NELL1: variants seen among roughly 807,000 people sequenced by gnomAD.
The protein encoded by NELL1 is neural EGFL like 1.
In NELL1, 76 loss-of-function variants were observed where a neutral mutation model predicts 107.4. That is an observed-to-expected ratio of 0.71 (90% CI 0.59 to 0.86). The LOEUF (loss-of-function observed/expected upper bound fraction) is 0.86. Ranked by LOEUF, NELL1 falls within the 40% of genes least tolerant of loss-of-function variation. The pLI is 0.00. For synonymous variants in NELL1, 353 were observed against 341.2 expected (o/e 1.03, Z -0.38); for missense variants, 1,024 against 1,005.5 (o/e 1.02, Z -0.25).
chr11:20,847,662 G>A lies in NELL1; in HGVS notation c.415G>A (p.Ala139Thr), dbSNP rs1387190105. 4 of 1,613,860 alleles carry A rather than the reference G, an allele frequency of 2.5e-6. No homozygotes were observed. Among genetic ancestry groups the A allele is most frequent in the Non-Finnish European group, 2.5e-6 (3 of 1,179,852 alleles). The stretch of plus-strand genomic sequence containing the variant: ...ACACAATGGGAAGCCAAGGACAGAG[G>A]CACTTCCTTACCGCATGGCAGATGG... ...YIHNGKPRTE[A>T]LPYRMADGQW... is the part of the protein sequence containing the mutation. The change falls in exon 4 of 20, where the codon GCA becomes ACA. Residue 139 changes from alanine to threonine, a missense_variant. Ala to Thr is a moderately conservative substitution (Grantham distance 58). Transcript: ENST00000357134.
intron 9 of NELL1, among the ~76,000 whole-genome samples, chr11:20,936,480 G>A (rs12277453): frequency 0.1 from 15,352 of 152,130 alleles, 1,054 homozygotes; most frequent in East Asian, 0.22. Flanking sequence ...GATGACTACT[G>A]TTTGTTTTAT....
Position 21,370,189 on chromosome 11 carries a change from C to G in NELL1, c.1550-664C>G, listed in dbSNP as rs568316368. Reference sequence around the variant, plus strand: ...TAGCACTGGGAAGGAGTAAGAATAGCTTTGCAATGCTTATCAAGAAAACCT... The same window carrying G: ...TAGCACTGGGAAGGAGTAAGAATAGGTTTGCAATGCTTATCAAGAAAACCT... On this transcript the variant is annotated intron_variant, in intron 14 of 19. Coordinates refer to ENST00000357134, the MANE Select transcript of NELL1 (RefSeq NM_006157.5). Among the ~76,000 whole-genome samples, 3 of 152,134 alleles carry G rather than the reference C, an allele frequency of 2.0e-5. No homozygotes were observed. In the South Asian group the frequency reaches 6.2e-4, roughly 32 times the overall value.
At chr11:21,256,044 C>T (rs955451377) in intron 14 of NELL1, among the ~76,000 whole-genome samples, 11 of 151,978 alleles carry the variant, frequency 7.2e-5, no homozygotes, top group African/African-American at 2.7e-4. Flanking sequence ...GTAGCTGTCT[C>T]CCCTCCCAGG....
chr11:20,694,082 T>A (rs1272967406), intron 2 of NELL1, among the ~76,000 whole-genome samples: 1 of 152,202 alleles, frequency 6.6e-6, no homozygotes, highest in East Asian at 1.9e-4. Context: ...TTGCATGGGC[T>A]CCTGAGGCTC....
intron 12 of NELL1, among the ~76,000 whole-genome samples, chr11:21,078,342 TA>T (rs1244628895): frequency 1.3e-5 from 2 of 152,056 alleles, no homozygotes; most frequent in African/African-American, 4.8e-5. Context: ...TACCAGCAGG[TA>T]ATTTAAAATA....
intron 2 of NELL1, among the ~76,000 whole-genome samples, chr11:20,748,413 A>T (rs990739736): frequency 7.2e-5 from 11 of 152,154 alleles, no homozygotes; most frequent in Non-Finnish European, 1.2e-4. Context: ...AAATTTATTT[A>T]TTTCAGTAGC....
chr11:20,761,219 C>T (rs1275052672), intron 2 of NELL1, among the ~76,000 whole-genome samples: 3 of 152,148 alleles, frequency 2.0e-5, no homozygotes, highest in Admixed American at 6.5e-5. Flanking sequence ...CATAACATGA[C>T]ATTAGGTTAG....
Position 20,822,706 on chromosome 11 carries a change from G to T in NELL1, c.336-24877G>T, listed in dbSNP as rs540095858. ...GAGTCTTGAAGAGTGGGTATGATTT[G>T]CCAGGTGTCCAGGAGTAGAAAAACA... On this transcript the variant is annotated intron_variant, in intron 3 of 19. Coordinates refer to ENST00000357134, the MANE Select transcript of NELL1 (RefSeq NM_006157.5). Among the ~76,000 whole-genome samples, 46 of 152,258 alleles carry T rather than the reference G, an allele frequency of 3.0e-4. No individual in the cohort carries two copies. In the South Asian group the frequency reaches 9.3e-3, roughly 31 times the overall value.
rs80030416 is a variant in NELL1 at position 21,053,863 on chromosome 11, T to C, written c.1301-59726T>C. ...GGTGCCTTTCTGGAGCGAATGTGTCTCTCTGATAAACCAGATTCTTGGTCA... is the reference window on the plus strand; with the variant it reads ...GGTGCCTTTCTGGAGCGAATGTGTCCCTCTGATAAACCAGATTCTTGGTCA... On this transcript the variant is annotated intron_variant, in intron 12 of 19. Transcript: ENST00000357134. Among the ~76,000 whole-genome samples, 876 of 152,310 alleles carry C rather than the reference T, an allele frequency of 5.8e-3. 9 individuals carry two copies. Among genetic ancestry groups the C allele is most frequent in the African/African-American group, 0.02 (842 of 41,582 alleles).
intron 13 of NELL1, among the ~76,000 whole-genome samples, chr11:21,140,009 G>A (rs1373851602): frequency 6.6e-6 from 1 of 152,068 alleles, no homozygotes; most frequent in South Asian, 2.1e-4. Context: ...CATATCTGGG[G>A]AAACAGATAA....
intron 2 of NELL1, among the ~76,000 whole-genome samples, chr11:20,764,002 C>T (rs1165623835): frequency 4.6e-5 from 7 of 152,260 alleles, no homozygotes; most frequent in Non-Finnish European, 7.3e-5. Flanking sequence ...AGCTGCATTT[C>T]TTCAACTCTG....
chr11:21,090,904 A>G (rs1854505759), intron 12 of NELL1, among the ~76,000 whole-genome samples: 1 of 152,238 alleles, frequency 6.6e-6, no homozygotes, highest in African/African-American at 2.4e-5. Flanking sequence ...TCAAAACAAA[A>G]TAGACTTGGA....
chr11:20,882,055 G>A (rs1007389377), intron 4 of NELL1, among the ~76,000 whole-genome samples: 2 of 152,234 alleles, frequency 1.3e-5, no homozygotes, highest in Non-Finnish European at 2.9e-5. Flanking sequence ...TTAAGTGACA[G>A]ATCACTGTGC....
chr11:21,078,565 T>G (rs1854195050), intron 12 of NELL1, among the ~76,000 whole-genome samples: 1 of 152,134 alleles, frequency 6.6e-6, no homozygotes, highest in African/African-American at 2.4e-5. Flanking sequence ...ATATTAAATT[T>G]TATATTTCAC....
chr11:21,469,717 T>C (rs1854125278), intron 15 of NELL1, among the ~76,000 whole-genome samples: 1 of 152,038 alleles, frequency 6.6e-6, no homozygotes, highest in Non-Finnish European at 1.5e-5. Context: ...GGAAAAGGTA[T>C]AGGCAAATGC....
rs111364613 is a variant in NELL1, at chr11:21,560,132, T to G, written c.1787-57T>G. 3.1e-5 allele frequency: 47 copies of G among 1,523,148 alleles called. 1 individual carries two copies. The African/African-American group carries it at 3.3e-4, about 11-fold the overall frequency. 94.4% of individuals were successfully genotyped at this position (1,523,148 alleles called of 1,614,324 possible). A position where few individuals can be genotyped will look rare whatever the true frequency, so the allele number is the denominator to read the frequency against. ...TTAATGCTACTGCAAATGATGGTTGTTTGTTCTCTAAGTTCCCTTGGCTAG... is the reference window on the plus strand; with the variant it reads ...TTAATGCTACTGCAAATGATGGTTGGTTGTTCTCTAAGTTCCCTTGGCTAG... On this transcript the variant is annotated intron_variant, in intron 16 of 19. Coordinates refer to ENST00000357134, the MANE Select transcript of NELL1 (RefSeq NM_006157.5).
intron 12 of NELL1, among the ~76,000 whole-genome samples, chr11:21,068,032 C>CAAAA (rs1195285619): frequency 0.018 from 731 of 40,376 alleles, 200 homozygotes; most frequent in African/African-American, 0.073. Flanking sequence ...GATGCCATCT[C>CAAAA]AAAAAAAAAA....
intron 12 of NELL1, among the ~76,000 whole-genome samples, chr11:21,065,641 A>C (rs1449230952): frequency 6.6e-6 from 1 of 152,224 alleles, no homozygotes; most frequent in Middle Eastern, 3.2e-3. Flanking sequence ...ACACAGGGCT[A>C]GATGTCAACT....
intron 3 of NELL1, among the ~76,000 whole-genome samples, chr11:20,787,644 A>G (rs1856994891): frequency 6.6e-6 from 1 of 152,210 alleles, no homozygotes; most frequent in African/African-American, 2.4e-5. Flanking sequence ...CCCTTATGTG[A>G]TTCTGATTGT....
Sources: allele counts gnomAD v4.1 joint callset (sites outside exome capture counted in the v4.1 genomes callset), GRCh38; gene constraint gnomAD v4.1.1; transcripts MANE v1.5; gene names NCBI Gene and HGNC (gene_info 2026-07-23, HGNC 2026-07-21).